Variants in MAF observed in about 807,000 individuals in gnomAD.
MAF encodes the protein transcription factor Maf.
MAF carries 10 observed loss-of-function variants against 22.0 expected under a neutral mutation model. The ratio of observed to expected loss-of-function variants is 0.45; its 90% CI spans 0.28 to 0.77. MAF has a LOEUF of 0.77. Ranked by LOEUF, MAF falls within the 30% of genes least tolerant of loss-of-function variation. The probability of loss-of-function intolerance (pLI) is 0.12; values close to 1 mark genes in which losing one functional copy is unlikely to be tolerated. For synonymous variants in MAF, 337 were observed against 255.8 expected, an observed-to-expected ratio of 1.32 and a Z score of -3.03; for missense variants, 544 against 548.4, an observed-to-expected ratio of 0.99 and a Z score of 0.08.
At chr16:79,512,589 G>T in the MAF span, among the ~76,000 whole-genome samples, 7 of 152,270 alleles carry the variant, frequency 4.6e-5, 1 homozygote, top group South Asian at 4.1e-4. Flanking sequence ...ACCTCCTTCT[G>T]CCCGGCAGTT....
chr16:79,260,802 A>G, the MAF span, among the ~76,000 whole-genome samples: 3 of 152,148 alleles, frequency 2.0e-5, no homozygotes, highest in African/African-American at 4.8e-5. Flanking sequence ...CTGTGACTTC[A>G]TAGATGTTAT....
the MAF span, among the ~76,000 whole-genome samples, chr16:79,473,144 G>A: frequency 6.6e-6 from 1 of 152,118 alleles, no homozygotes; most frequent in African/African-American, 2.4e-5. Flanking sequence ...CACACCCCTG[G>A]CTCAGCGTAG....
At chr16:79,247,280 G>C in the MAF span, among the ~76,000 whole-genome samples, 2 of 151,312 alleles carry the variant, frequency 1.3e-5, no homozygotes, top group Non-Finnish European at 2.9e-5. Context: ...AAGAAGAAAA[G>C]GCATCTTGAA....
the MAF span, among the ~76,000 whole-genome samples, chr16:79,409,691 T>C: frequency 4.6e-5 from 7 of 152,304 alleles, no homozygotes; most frequent in African/African-American, 1.7e-4. Context: ...CCCAGAGGGT[T>C]GGCTGCAGCA....
the MAF span, among the ~76,000 whole-genome samples, chr16:79,460,194 T>G: frequency 6.6e-6 from 1 of 152,232 alleles, no homozygotes; most frequent in Non-Finnish European, 1.5e-5. Flanking sequence ...CCTTTTACCA[T>G]GCAAAAGTTT....
the MAF span, among the ~76,000 whole-genome samples, chr16:79,249,158 G>A: frequency 3.3e-5 from 5 of 152,088 alleles, no homozygotes; most frequent in East Asian, 1.9e-4. Context: ...GGTGGCTCAC[G>A]CCTGTAATCC....
the MAF span, among the ~76,000 whole-genome samples, chr16:79,517,723 C>T: frequency 2.6e-5 from 4 of 152,088 alleles, no homozygotes; most frequent in African/African-American, 7.2e-5. Context: ...TACAGGCACC[C>T]GCCATCATGC....
the MAF span, among the ~76,000 whole-genome samples, chr16:79,377,696 A>C: frequency 6.6e-6 from 1 of 152,170 alleles, no homozygotes; most frequent in Non-Finnish European, 1.5e-5. Flanking sequence ...TCTTGAATTA[A>C]TTTTTGTATA....
chr16:79,285,977 C>T, the MAF span, among the ~76,000 whole-genome samples: 1 of 152,170 alleles, frequency 6.6e-6, no homozygotes, highest in East Asian at 1.9e-4. Flanking sequence ...TTGGGTTCTA[C>T]AGCACGACAG....
the MAF span, among the ~76,000 whole-genome samples, chr16:79,407,003 G>C: frequency 3.5e-4 from 54 of 152,218 alleles, no homozygotes; most frequent in African/African-American, 1.3e-3. Flanking sequence ...CTGCCGGCGC[G>C]TCACACCCAG....
At chr16:79,580,318 C>A in the MAF span, among the ~76,000 whole-genome samples, 1 of 152,228 alleles carries the variant, frequency 6.6e-6, no homozygotes, top group Admixed American at 6.5e-5. Flanking sequence ...CAGGATGCTA[C>A]CAAGTGATCA....
At chr16:79,489,435 T>C in the MAF span, among the ~76,000 whole-genome samples, 3 of 152,212 alleles carry the variant, frequency 2.0e-5, no homozygotes, top group Non-Finnish European at 4.4e-5. Context: ...GATATAAAGC[T>C]GAGTAAGAGG....
chr16:79,372,406 G>C, the MAF span, among the ~76,000 whole-genome samples: 1 of 152,156 alleles, frequency 6.6e-6, no homozygotes, highest in Non-Finnish European at 1.5e-5. Context: ...GTCTACCCTG[G>C]ACTGTGATAT....
chr16:79,308,565 G>C, the MAF span, among the ~76,000 whole-genome samples: 2 of 152,182 alleles, frequency 1.3e-5, no homozygotes, highest in Admixed American at 1.3e-4. Context: ...CATAAAGTAT[G>C]CTTTATTCTG....
chr16:79,557,171 T>TTTTTTTTG, the MAF span, among the ~76,000 whole-genome samples: 4 of 114,920 alleles, frequency 3.5e-5, no homozygotes. Context: ...AGTGTAGTTT[T>TTTTTTTTG]TTTTATTCAA....
chr16:79,493,994 T>C, the MAF span, among the ~76,000 whole-genome samples: 6 of 152,066 alleles, frequency 3.9e-5, no homozygotes, highest in Non-Finnish European at 8.8e-5. Context: ...ACCCACGATT[T>C]ATGATCCTTG....
chr16:79,280,723 T>C, the MAF span, among the ~76,000 whole-genome samples: 9 of 152,356 alleles, frequency 5.9e-5, no homozygotes, highest in East Asian at 1.7e-3. Context: ...CTCCATCCAC[T>C]GTCTTGTCCA....
At chr16:79,343,144 C>T in the MAF span, among the ~76,000 whole-genome samples, 32 of 152,238 alleles carry the variant, frequency 2.1e-4, no homozygotes, top group Non-Finnish European at 3.8e-4. Flanking sequence ...CACGTCCCTT[C>T]GGGTGACATT....
chr16:79,545,076 T>A, the MAF span, among the ~76,000 whole-genome samples: 18 of 152,294 alleles, frequency 1.2e-4, no homozygotes, highest in South Asian at 1.2e-3. Context: ...ACACTCAGCA[T>A]GCATTTCTGT....
Sources: gnomAD v4.1 joint callset for allele counts (sites outside exome capture counted in the v4.1 genomes callset) on GRCh38, gnomAD v4.1.1 for gene constraint, MANE v1.5 for transcripts, NCBI Gene and HGNC (gene_info 2026-07-23, HGNC 2026-07-21) for gene names.